The following CNBD1 variants were observed in gnomAD, a reference collection of about 807,000 sequenced individuals.
The protein encoded by CNBD1 is cyclic nucleotide binding domain containing 1.
A neutral mutation model predicts 54.4 loss-of-function variants in CNBD1; 71 were observed. That is an observed-to-expected ratio of 1.30 (90% CI 1.08 to 1.59). The LOEUF (loss-of-function observed/expected upper bound fraction) is 1.59. Among genes scored for constraint, CNBD1 ranks in the 40% most tolerant of loss-of-function variants. The pLI, the probability that CNBD1 is intolerant of heterozygous loss-of-function variation, is 0.00. For missense variants in CNBD1, 659 were observed against 518.0 expected, an observed-to-expected ratio of 1.27 and a Z score of -2.64; for synonymous variants, 182 against 170.7, an observed-to-expected ratio of 1.07 and a Z score of -0.51.
intron 4 of CNBD1, among the ~76,000 whole-genome samples, chr8:87,027,803 A>G (rs184233015): frequency 2.6e-4 from 40 of 152,364 alleles, no homozygotes; most frequent in African/African-American, 9.6e-4. Context: ...ACATCAGTTT[A>G]CCAAATTCTA....
intron 6 of CNBD1, among the ~76,000 whole-genome samples, chr8:87,261,426 T>G (rs1808138070): frequency 6.7e-6 from 1 of 150,290 alleles, no homozygotes; most frequent in Non-Finnish European, 1.5e-5. Context: ...TAATGGAGTT[T>G]AATTGAGCAA....
chr8:86,929,495 G>C (rs1187420510), intron 3 of CNBD1, among the ~76,000 whole-genome samples: 1 of 152,106 alleles, frequency 6.6e-6, no homozygotes, highest in African/African-American at 2.4e-5. Context: ...AACTTCCATT[G>C]GTATATAGGT....
intron 6 of CNBD1, among the ~76,000 whole-genome samples, chr8:87,264,143 C>T (rs1262522991): frequency 6.6e-6 from 1 of 151,994 alleles, no homozygotes; most frequent in Admixed American, 6.6e-5. Flanking sequence ...GCTATCCCTC[C>T]CCTCTCCCCC....
At position 86,905,123 on chromosome 8, in the gene CNBD1, G is replaced by T. The variant is rs778778341; in HGVS notation, c.201G>T (p.Met67Ile). 3.1e-6 allele frequency: 5 copies of T among 1,612,190 alleles called. No homozygotes were observed. The Admixed American group carries it at 6.7e-5, about 22-fold the overall frequency. ...TCTTATCAGCTCACGATACATTTAT[G>T]AAGCAATATCCTAAAGTATTCCTGC... ...SNILSAHDTFMKQYPKVFLHQ... is the reference protein window; with the variant it reads ...SNILSAHDTFIKQYPKVFLHQ... The change falls in exon 3 of 11, where the codon ATG becomes ATT. Residue 67 changes from methionine (M) to isoleucine (I), a missense_variant. By Grantham distance (10) the Met-to-Ile change is conservative. Coordinates refer to ENST00000518476, the MANE Select transcript of CNBD1 (RefSeq NM_173538.3).
intron 4 of CNBD1, among the ~76,000 whole-genome samples, chr8:86,980,195 C>T (rs572825725): frequency 8.9e-4 from 136 of 152,240 alleles, no homozygotes; most frequent in African/African-American, 3.1e-3. Flanking sequence ...CTTTTTGGTG[C>T]TTCAGTGACT....
intron 2 of CNBD1, among the ~76,000 whole-genome samples, chr8:87,423,648 C>G (rs947365835): frequency 4.8e-5 from 7 of 146,908 alleles, no homozygotes; most frequent in South Asian, 2.1e-4. Flanking sequence ...GGTGGATAAG[C>G]TTTTTGATAT....
intron 2 of CNBD1, among the ~76,000 whole-genome samples, chr8:87,423,779 T>C (rs1362152529): frequency 1.3e-5 from 2 of 152,102 alleles, no homozygotes; most frequent in Admixed American, 6.5e-5. Flanking sequence ...ATCAGAATGA[T>C]GCTGGCCTCA....
At chr8:87,292,239 C>T (rs1384603047) in intron 8 of CNBD1, among the ~76,000 whole-genome samples, 1 of 152,116 alleles carries the variant, frequency 6.6e-6, no homozygotes, top group Non-Finnish European at 1.5e-5. Context: ...TGCTGAAAGG[C>T]TATACTGTCT....
intron 4 of CNBD1, among the ~76,000 whole-genome samples, chr8:87,138,117 C>T (rs975619893): frequency 6.6e-6 from 1 of 152,112 alleles, no homozygotes; most frequent in Non-Finnish European, 1.5e-5. Flanking sequence ...AGGAAAGGCA[C>T]AAAAGTCCTG....
intron 10 of CNBD1, among the ~76,000 whole-genome samples, chr8:87,364,710 A>T (rs1239162393): frequency 6.6e-6 from 1 of 151,700 alleles, no homozygotes; most frequent in Non-Finnish European, 1.5e-5. Flanking sequence ...TGTTCTCATC[A>T]TTTAGCTCCC....
At chr8:86,878,620 C>T (rs1808561113) in intron 1 of CNBD1, among the ~76,000 whole-genome samples, 1 of 151,796 alleles carries the variant, frequency 6.6e-6, no homozygotes, top group Non-Finnish European at 1.5e-5. Context: ...CGTTGTTTAA[C>T]CCCGCCTTTC....
At chr8:87,113,673 A>C (rs1811709828) in intron 4 of CNBD1, among the ~76,000 whole-genome samples, 1 of 152,320 alleles carries the variant, frequency 6.6e-6, no homozygotes, top group East Asian at 1.9e-4. Context: ...TAATCCCAGC[A>C]CTTTGGGAGG....
intron 4 of CNBD1, among the ~76,000 whole-genome samples, chr8:86,967,852 T>C (rs1808123526): frequency 6.6e-6 from 1 of 151,952 alleles, no homozygotes; most frequent in Non-Finnish European, 1.5e-5. Flanking sequence ...TTTTGCCTGC[T>C]AGTAGCTCTG....
rs1035201494 is a variant in CNBD1, at chr8:87,421,571, C to T, written c.214-6975C>T. ...ATAGTTTACTGAGAATGATGATTTC[C>T]GATTTCATCCATGTCCCTACAAAGG... On this transcript the variant is annotated intron_variant, in intron 2 of 7. Coordinates refer to the CNBD1 transcript ENST00000521593. Among the ~76,000 whole-genome samples, 31 of 151,928 alleles carry T rather than the reference C, an allele frequency of 2.0e-4. 1 individual carries two copies. The highest frequency in any genetic ancestry group is 1.8e-3 in the Admixed American group (27 of 15,260).
chr8:87,121,695 A>G (rs978480380), intron 4 of CNBD1, among the ~76,000 whole-genome samples: 2 of 151,774 alleles, frequency 1.3e-5, no homozygotes, highest in East Asian at 3.9e-4. Context: ...GCTCTTGGTA[A>G]CTACCATTCT....
At chr8:86,979,251 A>G (rs925292931) in intron 4 of CNBD1, among the ~76,000 whole-genome samples, 7 of 151,858 alleles carry the variant, frequency 4.6e-5, no homozygotes, top group African/African-American at 1.5e-4. Flanking sequence ...TTTTAAAATT[A>G]AAAGAATAAA....
intron 6 of CNBD1, among the ~76,000 whole-genome samples, chr8:87,240,977 C>T (rs116011967): frequency 0.014 from 2,090 of 152,160 alleles, 56 homozygotes; most frequent in African/African-American, 0.048. Flanking sequence ...GTGGGTCCCC[C>T]CAGTTGATGG....
chr8:87,275,553 G>A (rs536901011), intron 6 of CNBD1, among the ~76,000 whole-genome samples: 1 of 151,798 alleles, frequency 6.6e-6, no homozygotes, highest in South Asian at 2.1e-4. Context: ...CAATAAATTA[G>A]GTATTGATGG....
At chr8:87,333,325 G>T (rs984096938) in intron 8 of CNBD1, among the ~76,000 whole-genome samples, 6 of 152,174 alleles carry the variant, frequency 3.9e-5, no homozygotes, top group Admixed American at 2.6e-4. Context: ...TGCAAACAGA[G>T]ACAATTTTAC....
Sources: allele counts gnomAD v4.1 joint callset (sites outside exome capture counted in the v4.1 genomes callset), GRCh38; gene constraint gnomAD v4.1.1; transcripts MANE v1.5; gene names NCBI Gene and HGNC (gene_info 2026-07-23, HGNC 2026-07-21).